Variants in TRABD2B observed in about 807,000 individuals in gnomAD.
TRABD2B encodes the protein TraB domain containing 2B.
A neutral mutation model predicts 40.1 loss-of-function variants in TRABD2B; 14 were observed. That is an observed-to-expected ratio of 0.35 (90% CI 0.23 to 0.55). TRABD2B has a LOEUF of 0.55. Ranked by LOEUF, TRABD2B falls within the 20% of genes least tolerant of loss-of-function variation. TRABD2B has a pLI of 0.90. For synonymous variants in TRABD2B, 263 were observed against 277.0 expected, an observed-to-expected ratio of 0.95 and a Z score of 0.50; for missense variants, 541 against 648.6, an observed-to-expected ratio of 0.83 and a Z score of 1.80.
At chr1:47,970,723 C>T (rs1218120237) in intron 2 of TRABD2B, among the ~76,000 whole-genome samples, 1 of 152,316 alleles carries the variant, frequency 6.6e-6, no homozygotes, top group Middle Eastern at 3.4e-3. Context: ...TTGGGGGTGA[C>T]TCTTCATTGT....
intron 2 of TRABD2B, among the ~76,000 whole-genome samples, chr1:47,918,291 C>T (rs1380723547): frequency 2.0e-5 from 3 of 152,314 alleles, no homozygotes; most frequent in East Asian, 1.9e-4. Context: ...GGCAACTGTG[C>T]TACAACTGTG....
At chr1:47,948,536 C>T (rs1011467608) in intron 2 of TRABD2B, among the ~76,000 whole-genome samples, 1 of 152,112 alleles carries the variant, frequency 6.6e-6, no homozygotes, top group African/African-American at 2.4e-5. Flanking sequence ...ATGTCTAGAC[C>T]TCCCTATCTC....
intron 2 of TRABD2B, among the ~76,000 whole-genome samples, chr1:47,854,621 G>A (rs1182060696): frequency 6.6e-6 from 1 of 152,152 alleles, no homozygotes; most frequent in Non-Finnish European, 1.5e-5. Flanking sequence ...TGACACTAAC[G>A]AAGTGCTTTA....
chr1:47,871,284 C>T (rs1188349136), intron 2 of TRABD2B, among the ~76,000 whole-genome samples: 1 of 152,042 alleles, frequency 6.6e-6, no homozygotes, highest in East Asian at 1.9e-4. Context: ...CCCAGGAAAC[C>T]CCAGCATACG....
chr1:47,885,988 G>A (rs1437872624), intron 2 of TRABD2B, among the ~76,000 whole-genome samples: 1 of 152,182 alleles, frequency 6.6e-6, no homozygotes, highest in African/African-American at 2.4e-5. Flanking sequence ...TCAACCTTCA[G>A]GCATATGGCT....
intron 2 of TRABD2B, among the ~76,000 whole-genome samples, chr1:47,841,780 CTTTTTCTTTTT>C (rs1645400433): frequency 1.5e-5 from 2 of 133,360 alleles, no homozygotes; most frequent in African/African-American, 2.7e-5. Flanking sequence ...CTTTTCTTTT[CTTTTTCTTTTT>C]TTTTTTTTTT....
At chr1:47,968,523 C>T (rs1419511907) in intron 2 of TRABD2B, among the ~76,000 whole-genome samples, 1 of 152,164 alleles carries the variant, frequency 6.6e-6, no homozygotes, top group African/African-American at 2.4e-5. Flanking sequence ...CTCAGGAACA[C>T]AGGTTCACAC....
intron 2 of TRABD2B, among the ~76,000 whole-genome samples, chr1:47,861,274 T>C (rs1310702309): frequency 1.3e-5 from 2 of 148,276 alleles, no homozygotes; most frequent in African/African-American, 4.9e-5. Flanking sequence ...GTTGCACAAA[T>C]GGTGGTGGTG....
chr1:47,767,431 G>GA (rs1644319914), intron 6 of TRABD2B, among the ~76,000 whole-genome samples: 1 of 152,168 alleles, frequency 6.6e-6, no homozygotes, highest in African/African-American at 2.4e-5. Flanking sequence ...CCTGGACGGT[G>GA]AAAAAAGAAC....
intron 2 of TRABD2B, among the ~76,000 whole-genome samples, chr1:47,962,359 TA>T (rs998073022): frequency 6.6e-6 from 1 of 152,062 alleles, no homozygotes; most frequent in African/African-American, 2.4e-5. Flanking sequence ...ACTTAAAGTG[TA>T]AAAACAAACA....
At chr1:47,926,900 G>A (rs1162719679) in intron 2 of TRABD2B, among the ~76,000 whole-genome samples, 1 of 152,168 alleles carries the variant, frequency 6.6e-6, no homozygotes, top group African/African-American at 2.4e-5. Flanking sequence ...GAAGGATGCA[G>A]GTTCAGTATA....
chr1:47,784,769 C>CT (rs1235614686), intron 4 of TRABD2B, among the ~76,000 whole-genome samples: 2 of 152,210 alleles, frequency 1.3e-5, no homozygotes, highest in African/African-American at 4.8e-5. Flanking sequence ...GCCGAGCTTC[C>CT]TTTCTCCTGC....
At chr1:47,909,792 C>CCAT (rs1557651395) in intron 2 of TRABD2B, among the ~76,000 whole-genome samples, 4 of 380 alleles carry the variant, frequency 0.011, no homozygotes, top group Non-Finnish European at 0.024. Context: ...CTCCCCATCC[C>CCAT]CCCCCCCCTT....
chr1:47,868,899 A>G (rs949382148), intron 2 of TRABD2B, among the ~76,000 whole-genome samples: 10 of 152,246 alleles, frequency 6.6e-5, no homozygotes, highest in South Asian at 4.1e-4. Context: ...AAACTGAGAT[A>G]TTCATTTGTT....
intron 2 of TRABD2B, among the ~76,000 whole-genome samples, chr1:47,884,206 CA>C: frequency 6.6e-6 from 1 of 152,264 alleles, no homozygotes; most frequent in South Asian, 2.1e-4. Context: ...TTGAAAACAG[CA>C]GTGGCCGTGT....
At chr1:47,959,152 C>A (rs539595298) in intron 2 of TRABD2B, among the ~76,000 whole-genome samples, 85 of 152,120 alleles carry the variant, frequency 5.6e-4, no homozygotes, top group Non-Finnish European at 1.1e-3. Flanking sequence ...TAAAGATGTT[C>A]TTTGAAACCA....
At chr1:47,875,412 C>T (rs1002400681) in intron 2 of TRABD2B, among the ~76,000 whole-genome samples, 6 of 151,738 alleles carry the variant, frequency 4.0e-5, no homozygotes, top group Admixed American at 1.3e-4. Flanking sequence ...GTGGGCTGGG[C>T]GTGGTGGCTC....
At chr1:47,783,188 A>G (rs1034579861) in intron 4 of TRABD2B, among the ~76,000 whole-genome samples, 5 of 151,972 alleles carry the variant, frequency 3.3e-5, no homozygotes, top group African/African-American at 1.2e-4. Flanking sequence ...CAGAAAGGCA[A>G]TGTGGAGAGA....
At chr1:47,898,583 C>A (rs978555091) in intron 2 of TRABD2B, among the ~76,000 whole-genome samples, 1 of 152,190 alleles carries the variant, frequency 6.6e-6, no homozygotes, top group Non-Finnish European at 1.5e-5. Context: ...GTCATACGAG[C>A]TCTAACTCCC....
Sources: gnomAD v4.1 joint callset for allele counts (sites outside exome capture counted in the v4.1 genomes callset) on GRCh38, gnomAD v4.1.1 for gene constraint, MANE v1.5 for transcripts, NCBI Gene and HGNC (gene_info 2026-07-23, HGNC 2026-07-21) for gene names.